The following GOLGB1 variants were observed in gnomAD, a reference collection of about 807,000 sequenced individuals.
GOLGB1 encodes golgin B1.
In GOLGB1, 174 loss-of-function variants were observed where a neutral mutation model predicts 336.9. The observed-to-expected ratio is 0.52, with a 90% CI of 0.46 to 0.59. The LOEUF (loss-of-function observed/expected upper bound fraction) is 0.59. Ranked by LOEUF, GOLGB1 falls within the 20% of genes least tolerant of loss-of-function variation. GOLGB1 has a pLI of 0.00. For missense variants in GOLGB1, 3,331 were observed against 3,645.3 expected, an observed-to-expected ratio of 0.91 and a Z score of 2.22; for synonymous variants, 1,208 against 1,289.2, an observed-to-expected ratio of 0.94 and a Z score of 1.35.
At chr3:121,674,236 C>CT (rs914211008) in intron 17 of GOLGB1, among the ~76,000 whole-genome samples, 38 of 149,504 alleles carry the variant, frequency 2.5e-4, no homozygotes, top group East Asian at 9.8e-4. Flanking sequence ...TCTGGATGTG[C>CT]TTTTTTTTTT....
intron 14 of GOLGB1, among the ~76,000 whole-genome samples, chr3:121,688,411 C>T (rs1942003014): frequency 6.6e-6 from 1 of 152,278 alleles, no homozygotes; most frequent in Admixed American, 6.5e-5. Flanking sequence ...TGGTCTCCAG[C>T]TCCTAACCGC....
intron 12 of GOLGB1, 124 bp downstream of exon 12, chr3:121,699,688 G>A: frequency 1.9e-6 from 1 of 516,828 alleles, no homozygotes; most frequent in Non-Finnish European, 3.5e-6. Context: ...CTCTTTAATA[G>A]ATCTTACTCT....
intron 10 of GOLGB1, among the ~76,000 whole-genome samples, chr3:121,710,550 G>T (rs1393930879): frequency 6.6e-6 from 1 of 152,114 alleles, no homozygotes; most frequent in East Asian, 1.9e-4. Context: ...TTCAACAAAT[G>T]TATTGGGGTT....
chr3:121,727,322 T>TATATATA (rs1945747720), intron 4 of GOLGB1, among the ~76,000 whole-genome samples: 3 of 24,948 alleles, frequency 1.2e-4, no homozygotes, highest in East Asian at 2.6e-3. Flanking sequence ...ATATATATAT[T>TATATATA]TTTTTTTTTT....
At position 121,664,477 on chromosome 3, in the gene GOLGB1, A is replaced by G; in HGVS notation, c.*3T>C. Reference sequence around the variant, plus strand: ...GGAGTGGTCCAAAGAGTAACAACTAAGTCTATAGATGGCCCGTAAAACACA... The same window carrying G: ...GGAGTGGTCCAAAGAGTAACAACTAGGTCTATAGATGGCCCGTAAAACACA... On this transcript the variant is annotated 3_prime_UTR_variant, in exon 22 of 22. Transcript: ENST00000614479. The G allele has an allele frequency of 6.2e-7, 1 of 1,613,492 alleles. No individual in the cohort carries two copies. The highest frequency in any genetic ancestry group is 8.5e-7 in the Non-Finnish European group (1 of 1,179,420).
chr3:121,743,201 A>T (rs952835419), intron 1 of GOLGB1, among the ~76,000 whole-genome samples: 1 of 152,244 alleles, frequency 6.6e-6, no homozygotes, highest in African/African-American at 2.4e-5. Context: ...AATAGCAAAG[A>T]CTTGGAACCA....
chr3:121,730,809 A>G, intron 2 of GOLGB1, 67 bp downstream of exon 2: 1 of 1,504,408 alleles, frequency 6.6e-7, no homozygotes. Context: ...TTCTATCTTA[A>G]ATTATTTTCC....
chr3:121,707,898 T>G (rs924642915), intron 10 of GOLGB1, among the ~76,000 whole-genome samples: 2 of 152,216 alleles, frequency 1.3e-5, no homozygotes, highest in Admixed American at 6.5e-5. Context: ...ATCTCTGATC[T>G]ACAAACGAAG....
chr3:121,719,685 C>T lies in GOLGB1; in HGVS notation c.732G>A (p.Gln244=). Residue 244 remains glutamine, a synonymous_variant, in exon 7 of 22, where the codon CAG becomes CAA. Transcript: ENST00000614479. ...TTTCCACATCTGCCTGGGTTACTAA[C>T]TGAAGAAGCTCATCTTCATGAAGAC... ...QVRLHEDELL[Q]LVTQADVETE... is the part of the protein sequence containing the mutation. 3 of 1,610,654 alleles carry T rather than the reference C, an allele frequency of 1.9e-6. No homozygotes were observed. Among genetic ancestry groups the T allele is most frequent in the South Asian group, 2.2e-5 (2 of 90,704 alleles).
chr3:121,748,480 A>C (rs1947524226), intron 1 of GOLGB1, among the ~76,000 whole-genome samples: 1 of 152,232 alleles, frequency 6.6e-6, no homozygotes, highest in African/African-American at 2.4e-5. Flanking sequence ...TTCTGTGGTC[A>C]AGGGATGAGA....
chr3:121,688,274 G>C (rs1031803267), intron 14 of GOLGB1, among the ~76,000 whole-genome samples: 17 of 152,150 alleles, frequency 1.1e-4, no homozygotes, highest in African/African-American at 4.1e-4. Flanking sequence ...TCGGCTCACT[G>C]CAACCTCCCT....
intron 17 of GOLGB1, among the ~76,000 whole-genome samples, chr3:121,670,380 A>G (rs888076877): frequency 3.3e-5 from 5 of 152,196 alleles, no homozygotes; most frequent in African/African-American, 9.7e-5. Context: ...ACAATGTTTT[A>G]GAGGAGAGAC....
rs769434883 is a variant in GOLGB1, at chr3:121,726,930, C to T, written c.514G>A (p.Ala172Thr). ...ACCCCTACCTGTGCAGGTTGTTCTG[C>T]CTGTGCCTGAGTAAGCTGGGCTTGC... ...TLQAQLTQAQ[A>T]EQPAQSSTEM... The change falls in exon 5 of 22, where the codon GCA (alanine) becomes ACA (threonine). Residue 172 changes from alanine (A) to threonine (T), a missense_variant. Transcript: ENST00000614479. The T allele has an allele frequency of 4.4e-6, 7 of 1,601,564 alleles. No individual in the cohort carries two copies. The highest frequency in any genetic ancestry group is 2.2e-5 in the South Asian group (2 of 89,608).
At chr3:121,693,002 G>C (rs1020047654) in intron 13 of GOLGB1, among the ~76,000 whole-genome samples, 3 of 152,094 alleles carry the variant, frequency 2.0e-5, no homozygotes, top group Non-Finnish European at 4.4e-5. Flanking sequence ...GGAATACAAA[G>C]GATGAGAGAC....
chr3:121,694,606 A>G lies in GOLGB1; in HGVS notation c.5917T>C (p.Leu1973=), dbSNP rs1411005923. The G allele has an allele frequency of 2.5e-6, 4 of 1,611,952 alleles. No homozygotes were observed. The highest frequency in any genetic ancestry group is 1.6e-4 in the Middle Eastern group (1 of 6,084). The part of the protein sequence containing the change: ...MKNLKKCVSE[L]EEEKQQLVKE... ...ACTAACTGCTGCTTTTCTTCTTCCA[A>G]TTCACTCACACACTTTTTAAGGTTC... The change falls in exon 13 of 22, where the codon TTG becomes CTG. Residue 1973 remains leucine, a synonymous_variant. Coordinates refer to ENST00000614479, the MANE Select transcript of GOLGB1 (RefSeq NM_001366282.2).
intron 15 of GOLGB1, among the ~76,000 whole-genome samples, chr3:121,678,834 G>A (rs958024906): frequency 6.6e-6 from 1 of 152,116 alleles, no homozygotes; most frequent in Admixed American, 6.5e-5. Flanking sequence ...TTACAGGTGT[G>A]AGCCACCGCA....
chr3:121,734,392 G>GAAAAAA (rs34906801), intron 1 of GOLGB1, among the ~76,000 whole-genome samples: 2 of 107,234 alleles, frequency 1.9e-5, no homozygotes, highest in Non-Finnish European at 3.5e-5. Flanking sequence ...TCTGTCTCGG[G>GAAAAAA]AAAAAAAAAA....
chr3:121,695,981 G>C lies in GOLGB1; in HGVS notation c.4542C>G (p.Ala1514=). 1 of 1,613,956 alleles carries C rather than the reference G, an allele frequency of 6.2e-7. No individual in the cohort carries two copies. The highest frequency in any genetic ancestry group is 2.2e-5 in the East Asian group (1 of 44,878). ...TGGTGAGACGTTCAATGGTACCTCT[G>C]GCCAAAGACAATTCCTCTTGGAGAC... The part of the protein sequence containing the change: ...NKSLQEELSL[A]RGTIERLTKS... Residue 1514 remains alanine (A), a synonymous_variant, in exon 13 of 22, where the codon GCC becomes GCG. Transcript: ENST00000614479.
Position 121,696,081 on chromosome 3 carries a change from C to G in GOLGB1, c.4442G>C (p.Arg1481Thr), listed in dbSNP as rs777641091. 8 of 1,613,740 alleles carry G rather than the reference C, an allele frequency of 5.0e-6. No individual in the cohort carries two copies. The African/African-American group carries it at 9.4e-5, about 19-fold the overall frequency. Reference sequence around the variant, plus strand: ...TTTCCTTTGTATTTGTTGCTTTGCTCTACTTTCTTCTCCAATCTCTTCTGG... The same window carrying G: ...TTTCCTTTGTATTTGTTGCTTTGCTGTACTTTCTTCTCCAATCTCTTCTGG... ...QKPEEIGEES[R>T]AKQQIQRKLQ... The change falls in exon 13 of 22, where the codon AGA (arginine) becomes ACA (threonine). Residue 1481 changes from arginine (R) to threonine (T), a missense_variant. Physicochemically the swap from Arg to Thr is moderately conservative, Grantham distance 71. Transcript: ENST00000614479.
Sources: gnomAD v4.1 joint callset for allele counts (sites outside exome capture counted in the v4.1 genomes callset) on GRCh38, gnomAD v4.1.1 for gene constraint, MANE v1.5 for transcripts, NCBI Gene and HGNC (gene_info 2026-07-23, HGNC 2026-07-21) for gene names.